Variants in MEI4 observed in about 807,000 individuals in gnomAD.
MEI4 encodes the protein meiotic double-stranded break formation protein 4, also known as meiosis-specific protein MEI4.
A neutral mutation model predicts 31.4 loss-of-function variants in MEI4; 27 were observed. That is an observed-to-expected ratio of 0.86 (90% CI 0.63 to 1.19). MEI4 has a LOEUF of 1.19. Ranked by LOEUF, MEI4 falls within the 50% of genes most tolerant of loss-of-function variation. The pLI, the probability that MEI4 is intolerant of heterozygous loss-of-function variation, is 0.00. For missense variants in MEI4, 329 were observed against 398.9 expected, an observed-to-expected ratio of 0.82 and a Z score of 1.49; for synonymous variants, 122 against 145.4, an observed-to-expected ratio of 0.84 and a Z score of 1.16.
At chr6:77,905,588 C>T (rs1766277832) in intron 4 of MEI4, among the ~76,000 whole-genome samples, 1 of 145,148 alleles carries the variant, frequency 6.9e-6, no homozygotes, top group African/African-American at 2.5e-5. Flanking sequence ...CCTCCGCCTC[C>T]CAGGTTCAAG....
At chr6:77,877,936 G>A (rs1015593500) in intron 4 of MEI4, among the ~76,000 whole-genome samples, 2 of 151,996 alleles carry the variant, frequency 1.3e-5, no homozygotes, top group African/African-American at 4.8e-5. Context: ...TTTCACAAGG[G>A]AATACAGATG....
At chr6:77,685,473 A>G (rs1769038333) in intron 1 of MEI4, among the ~76,000 whole-genome samples, 1 of 152,062 alleles carries the variant, frequency 6.6e-6, no homozygotes, top group Admixed American at 6.6e-5. Flanking sequence ...TGTGGTTTGC[A>G]AGTATTTTCT....
At chr6:77,913,284 G>A (rs1766470781) in intron 4 of MEI4, among the ~76,000 whole-genome samples, 1 of 152,088 alleles carries the variant, frequency 6.6e-6, no homozygotes, top group Admixed American at 6.6e-5. Flanking sequence ...TTGGTAGTAG[G>A]GTAATAACTG....
intron 4 of MEI4, among the ~76,000 whole-genome samples, chr6:77,870,755 A>AT (rs988163436): frequency 6.6e-6 from 1 of 152,138 alleles, no homozygotes; most frequent in Middle Eastern, 3.2e-3. Context: ...ATTAAAAGTT[A>AT]TTTTTTACAG....
At chr6:77,699,408 G>T (rs1337114187) in intron 2 of MEI4, among the ~76,000 whole-genome samples, 2 of 151,740 alleles carry the variant, frequency 1.3e-5, no homozygotes, top group Non-Finnish European at 2.9e-5. Flanking sequence ...TAGCCGGGAT[G>T]GTCTCGATCT....
Position 77,681,460 on chromosome 6 carries a change from A to T in MEI4, c.-14-9198A>T, listed in dbSNP as rs199860515. Among the ~76,000 whole-genome samples, 4 of 152,354 alleles carry T rather than the reference A, an allele frequency of 2.6e-5. No homozygotes were observed. The East Asian group carries it at 7.7e-4, about 29-fold the overall frequency. The stretch of plus-strand genomic sequence containing the variant: ...AAATATTTTTAAAAAATCCATGTTA[A>T]TAGTACATATCTGCTCCCTATTTCC... On this transcript the variant is annotated intron_variant, in intron 1 of 4. Transcript: ENST00000684080.
At chr6:77,858,218 A>G (rs921799392) in intron 4 of MEI4, among the ~76,000 whole-genome samples, 8 of 152,134 alleles carry the variant, frequency 5.3e-5, no homozygotes, top group Non-Finnish European at 1.0e-4. Flanking sequence ...TTTGTTTTCC[A>G]TTGCTATGTT....
intron 3 of MEI4, among the ~76,000 whole-genome samples, chr6:77,817,901 A>G (rs895484093): frequency 6.6e-6 from 1 of 151,972 alleles, no homozygotes. Flanking sequence ...TCCTTGTGTC[A>G]CTCACTTAGG....
chr6:77,693,029 C>CA (rs1175462275), intron 2 of MEI4, among the ~76,000 whole-genome samples: 5 of 152,008 alleles, frequency 3.3e-5, no homozygotes, highest in Non-Finnish European at 5.9e-5. Context: ...GAGGCATTAT[C>CA]ACATTAAGAG....
At chr6:77,702,019 T>C (rs982679985) in intron 2 of MEI4, among the ~76,000 whole-genome samples, 3 of 152,170 alleles carry the variant, frequency 2.0e-5, no homozygotes, top group African/African-American at 7.2e-5. Flanking sequence ...TTCTCACTGT[T>C]CCATTGCCTC....
intron 2 of MEI4, among the ~76,000 whole-genome samples, chr6:77,760,766 G>A (rs1417705889): frequency 6.6e-6 from 1 of 152,060 alleles, no homozygotes; most frequent in African/African-American, 2.4e-5. Flanking sequence ...CTCTATGTCT[G>A]GGTACACCTT....
intron 2 of MEI4, among the ~76,000 whole-genome samples, chr6:77,703,252 C>T (rs1561951575): frequency 6.6e-6 from 1 of 152,192 alleles, no homozygotes; most frequent in Non-Finnish European, 1.5e-5. Flanking sequence ...TTCTAGATAT[C>T]TGCCAAGCCC....
At chr6:77,835,719 T>G (rs1035308376) in intron 4 of MEI4, among the ~76,000 whole-genome samples, 4 of 152,118 alleles carry the variant, frequency 2.6e-5, no homozygotes, top group Non-Finnish European at 5.9e-5. Flanking sequence ...TGTATAAGGA[T>G]GTTCATTTCA....
intron 3 of MEI4, among the ~76,000 whole-genome samples, chr6:77,798,595 A>T: frequency 6.7e-6 from 1 of 149,516 alleles, no homozygotes. Flanking sequence ...GCACCCATTA[A>T]CTCATCATTT....
chr6:77,762,550 G>A (rs1768069324), intron 3 of MEI4, among the ~76,000 whole-genome samples: 1 of 152,136 alleles, frequency 6.6e-6, no homozygotes, highest in South Asian at 2.1e-4. Flanking sequence ...GTAGGAAAAA[G>A]GTTATTGGAC....
chr6:77,696,161 T>G (rs1478607672), intron 2 of MEI4, among the ~76,000 whole-genome samples: 1 of 152,196 alleles, frequency 6.6e-6, no homozygotes, highest in Non-Finnish European at 1.5e-5. Flanking sequence ...AAGGAGATTT[T>G]GGACTGAGAC....
intron 4 of MEI4, among the ~76,000 whole-genome samples, chr6:77,883,742 A>ATATATATATATATG (rs922153293): frequency 3.6e-5 from 5 of 139,856 alleles, no homozygotes; most frequent in African/African-American, 1.4e-4. Flanking sequence ...ATATATATAT[A>ATATATATATATATG]TAACTTTGTC....
At chr6:77,876,613 T>G (rs1771347215) in intron 4 of MEI4, among the ~76,000 whole-genome samples, 1 of 152,116 alleles carries the variant, frequency 6.6e-6, no homozygotes, top group South Asian at 2.1e-4. Context: ...AAATAAGAAT[T>G]TAGGTATCAA....
At chr6:77,804,291 A>T (rs1263948701) in intron 3 of MEI4, among the ~76,000 whole-genome samples, 1 of 152,198 alleles carries the variant, frequency 6.6e-6, no homozygotes, top group East Asian at 1.9e-4. Flanking sequence ...CCATTTGCTA[A>T]GACCGTTGGA....
Sources: gnomAD v4.1 joint callset for allele counts (sites outside exome capture counted in the v4.1 genomes callset) on GRCh38, gnomAD v4.1.1 for gene constraint, MANE v1.5 for transcripts, NCBI Gene and HGNC (gene_info 2026-07-23, HGNC 2026-07-21) for gene names.